The following MACROD2 variants were observed in gnomAD, a reference collection of about 807,000 sequenced individuals.
MACROD2 encodes the protein ADP-ribose glycohydrolase MACROD2.
MACROD2 carries 36 observed loss-of-function variants against 70.4 expected under a neutral mutation model. The observed-to-expected ratio is 0.51, with a 90% confidence interval of 0.39 to 0.68. The LOEUF is 0.68. MACROD2 is among the 30% of genes least tolerant of loss of function. The pLI, the probability that MACROD2 is intolerant of heterozygous loss-of-function variation, is 0.00. For missense variants in MACROD2, 496 were observed against 538.4 expected (o/e 0.92, Z 0.78); for synonymous variants, 172 against 178.8 (o/e 0.96, Z 0.30).
chr20:15,426,746 T>A (rs1020377712), intron 6 of MACROD2, among the ~76,000 whole-genome samples: 1 of 152,154 alleles, frequency 6.6e-6, no homozygotes, highest in African/African-American at 2.4e-5. Flanking sequence ...GTTGCTAATG[T>A]CATTCTCCAA....
At chr20:14,981,462 GTGTC>G (rs1568910830) in intron 5 of MACROD2, among the ~76,000 whole-genome samples, 1 of 148,496 alleles carries the variant, frequency 6.7e-6, no homozygotes, top group African/African-American at 2.5e-5. Context: ...ATGTGTGTGT[GTGTC>G]TGTGTGTGTG....
chr20:15,091,686 C>T (rs2075794227), intron 5 of MACROD2, among the ~76,000 whole-genome samples: 2 of 151,940 alleles, frequency 1.3e-5, no homozygotes, highest in Admixed American at 1.3e-4. Flanking sequence ...TGGTCTTTTT[C>T]AAAGAGCACT....
At chr20:15,155,663 C>T (rs1186100278) in intron 5 of MACROD2, among the ~76,000 whole-genome samples, 2 of 152,058 alleles carry the variant, frequency 1.3e-5, no homozygotes, top group African/African-American at 4.8e-5. Flanking sequence ...AACAGGAGCT[C>T]CCTGAGTGTA....
chr20:14,785,933 C>T (rs962770020), intron 5 of MACROD2, among the ~76,000 whole-genome samples: 3 of 152,076 alleles, frequency 2.0e-5, no homozygotes, highest in African/African-American at 7.3e-5. Context: ...GACAATGCTT[C>T]TTCAGTACAT....
At chr20:14,978,888 T>TATATATA (rs1264220510) in intron 5 of MACROD2, among the ~76,000 whole-genome samples, 610 of 4,610 alleles carry the variant, frequency 0.13, 7 homozygotes, top group Middle Eastern at 0.5. Context: ...ATATAAAATA[T>TATATATA]ATATATTATA....
intron 5 of MACROD2, among the ~76,000 whole-genome samples, chr20:15,156,375 C>G (rs1451235936): frequency 1.3e-5 from 2 of 152,142 alleles, no homozygotes; most frequent in South Asian, 4.1e-4. Flanking sequence ...TACTTTTCAT[C>G]TTAGTAATAG....
intron 13 of MACROD2, among the ~76,000 whole-genome samples, chr20:15,972,082 A>T (rs1252462104): frequency 6.6e-6 from 1 of 152,202 alleles, no homozygotes; most frequent in Non-Finnish European, 1.5e-5. Context: ...CTGAATTAAA[A>T]ATTATACTTG....
chr20:14,946,901 A>T (rs1259085031), intron 5 of MACROD2, among the ~76,000 whole-genome samples: 1 of 152,204 alleles, frequency 6.6e-6, no homozygotes, highest in Non-Finnish European at 1.5e-5. Flanking sequence ...AAGTATGGAC[A>T]ATGTGTATTT....
At chr20:15,749,542 T>A (rs917591654) in intron 8 of MACROD2, among the ~76,000 whole-genome samples, 1 of 152,048 alleles carries the variant, frequency 6.6e-6, no homozygotes, top group East Asian at 1.9e-4. Context: ...TTTTGTGACA[T>A]TGACTTTTCA....
At chr20:14,788,079 G>A (rs1194395198) in intron 5 of MACROD2, among the ~76,000 whole-genome samples, 5 of 152,058 alleles carry the variant, frequency 3.3e-5, no homozygotes, top group Non-Finnish European at 7.4e-5. Context: ...CATTCAGCCT[G>A]TGAAAAATAA....
chr20:15,419,391 C>T (rs943953827), intron 6 of MACROD2, among the ~76,000 whole-genome samples: 13 of 152,092 alleles, frequency 8.5e-5, no homozygotes, highest in African/African-American at 2.2e-4. Flanking sequence ...GTGAGGGGGG[C>T]GTATCATGGA....
At chr20:14,453,421 G>T (rs1237246436) in intron 3 of MACROD2, among the ~76,000 whole-genome samples, 1 of 151,988 alleles carries the variant, frequency 6.6e-6, no homozygotes, top group Non-Finnish European at 1.5e-5. Context: ...TGCTTACCTT[G>T]CATGTGGTTG....
At position 14,376,477 on chromosome 20, in the gene MACROD2, G is replaced by A. The variant is rs1166027879; in HGVS notation, c.272-117002G>A. Among the ~76,000 whole-genome samples, 3 of 152,164 alleles carry A rather than the reference G, an allele frequency of 2.0e-5. No individual in the cohort carries two copies. In the East Asian group the frequency reaches 5.8e-4, roughly 29 times the overall value. On this transcript the variant is annotated intron_variant, in intron 3 of 17. Coordinates refer to ENST00000684519, the MANE Select transcript of MACROD2 (RefSeq NM_001351661.2). Reference sequence around the variant, plus strand: ...AATGCACCCTGTGGGGATGGGTGTAGTGGCTTATGCCTATAATCCCAGCAC... The same window carrying A: ...AATGCACCCTGTGGGGATGGGTGTAATGGCTTATGCCTATAATCCCAGCAC...
chr20:14,182,819 G>A (rs149516017), intron 3 of MACROD2, among the ~76,000 whole-genome samples: 1 of 151,912 alleles, frequency 6.6e-6, no homozygotes, highest in East Asian at 2.0e-4. Context: ...TGCTTGCACT[G>A]CCTTTTGCCT....
intron 5 of MACROD2, among the ~76,000 whole-genome samples, chr20:15,096,743 G>A (rs1015595946): frequency 2.1e-4 from 31 of 150,822 alleles, no homozygotes; most frequent in East Asian, 2.0e-3. Context: ...AGCTCCTGAC[G>A]TCAAGTAATC....
chr20:14,623,863 G>A (rs73100671), intron 4 of MACROD2, among the ~76,000 whole-genome samples: 4 of 152,308 alleles, frequency 2.6e-5, no homozygotes, highest in Non-Finnish European at 5.9e-5. Flanking sequence ...ACTCAACCAG[G>A]CTTCAAGTAC....
chr20:15,943,126 C>A (rs1032451881), intron 12 of MACROD2, among the ~76,000 whole-genome samples: 7 of 152,084 alleles, frequency 4.6e-5, no homozygotes, highest in African/African-American at 1.7e-4. Flanking sequence ...CAAGAGTCAG[C>A]CTTGCCAAAG....
At chr20:14,341,315 A>C (rs114960961) in intron 3 of MACROD2, among the ~76,000 whole-genome samples, 2,290 of 152,332 alleles carry the variant, frequency 0.015, 23 homozygotes, top group African/African-American at 0.027. Context: ...AGCATTCTTC[A>C]TGAGAATAAA....
At chr20:14,894,863 T>G (rs2073809040) in intron 5 of MACROD2, 1 of 152,106 alleles carries the variant, frequency 6.6e-6, no homozygotes, top group Non-Finnish European at 1.5e-5. Flanking sequence ...GGGAGCATGT[T>G]GCCGAACAAA....
Sources: gnomAD v4.1 joint callset for allele counts (sites outside exome capture counted in the v4.1 genomes callset) on GRCh38, gnomAD v4.1.1 for gene constraint, MANE v1.5 for transcripts, NCBI Gene and HGNC (gene_info 2026-07-23, HGNC 2026-07-21) for gene names.